ADARB2: variants seen among roughly 807,000 people sequenced by gnomAD.
The protein encoded by ADARB2 is inactive double-stranded RNA-specific editase B2.
In ADARB2, 25 loss-of-function variants were observed where a neutral mutation model predicts 62.2. That is an observed-to-expected ratio of 0.40 (90% CI 0.29 to 0.56). The LOEUF is 0.56. Ranked by LOEUF, ADARB2 falls within the 20% of genes least tolerant of loss-of-function variation. ADARB2 has a pLI of 0.43. For missense variants in ADARB2, 1,071 were observed against 1,077.4 expected (o/e 0.99, Z 0.08); for synonymous variants, 572 against 500.8 (o/e 1.14, Z -1.90).
intron 2 of ADARB2, among the ~76,000 whole-genome samples, chr10:1,377,389 G>A (rs558877837): frequency 7.0e-6 from 1 of 143,166 alleles, no homozygotes; most frequent in Admixed American, 7.0e-5. Context: ...ACATGTGCAT[G>A]TGCGCTCCTG....
intron 1 of ADARB2, among the ~76,000 whole-genome samples, chr10:1,723,113 C>T (rs148341551): frequency 9.3e-4 from 142 of 152,324 alleles, no homozygotes; most frequent in African/African-American, 3.1e-3. Flanking sequence ...GAAACGGGAG[C>T]GCATGCCCCT....
chr10:1,505,962 G>C (rs1030538217), intron 1 of ADARB2, among the ~76,000 whole-genome samples: 7 of 152,136 alleles, frequency 4.6e-5, no homozygotes, highest in African/African-American at 1.7e-4. Flanking sequence ...ATCAAAATCA[G>C]AGCACACTTT....
chr10:1,641,493 C>A (rs930689154), intron 1 of ADARB2, among the ~76,000 whole-genome samples: 2 of 152,188 alleles, frequency 1.3e-5, no homozygotes, highest in Non-Finnish European at 2.9e-5. Flanking sequence ...TTCTAGAACA[C>A]AGAAGCTACT....
At chr10:1,620,761 G>A (rs1275224996) in intron 1 of ADARB2, among the ~76,000 whole-genome samples, 2 of 152,226 alleles carry the variant, frequency 1.3e-5, no homozygotes, top group Non-Finnish European at 2.9e-5. Context: ...AAGGGTGTAT[G>A]TAAAGACCAA....
intron 1 of ADARB2, among the ~76,000 whole-genome samples, chr10:1,394,611 C>T (rs1425386918): frequency 2.6e-5 from 4 of 152,130 alleles, no homozygotes; most frequent in African/African-American, 9.7e-5. Context: ...CACGGAGGTT[C>T]GTGTGACCAG....
chr10:1,290,714 G>A (rs973167821), intron 3 of ADARB2: 1 of 152,198 alleles, frequency 6.6e-6, no homozygotes, highest in African/African-American at 2.4e-5. Flanking sequence ...TGTTGATTAT[G>A]TAAAGTAGTC....
At chr10:1,584,421 A>AATC (rs752811530) in intron 1 of ADARB2, among the ~76,000 whole-genome samples, 1 of 152,200 alleles carries the variant, frequency 6.6e-6, no homozygotes, top group Non-Finnish European at 1.5e-5. Context: ...GCATGGCCAA[A>AATC]ATCCAGAACA....
intron 1 of ADARB2, among the ~76,000 whole-genome samples, chr10:1,693,763 T>G (rs12573744): frequency 6.6e-6 from 1 of 152,156 alleles, no homozygotes; most frequent in Non-Finnish European, 1.5e-5. Flanking sequence ...AAAGGTTAAA[T>G]TAAAAGAAAA....
intron 4 of ADARB2, among the ~76,000 whole-genome samples, chr10:1,265,462 C>A (rs1831186248): frequency 6.6e-6 from 1 of 152,220 alleles, no homozygotes; most frequent in African/African-American, 2.4e-5. Flanking sequence ...CGAGAGGATT[C>A]GGGAGGGAAC....
At chr10:1,552,034 C>T (rs1037375904) in intron 1 of ADARB2, among the ~76,000 whole-genome samples, 1 of 152,090 alleles carries the variant, frequency 6.6e-6, no homozygotes, top group East Asian at 1.9e-4. Context: ...GCCAAGCCCT[C>T]CTCCCGCATG....
At chr10:1,644,265 T>G (rs1834009685) in intron 1 of ADARB2, among the ~76,000 whole-genome samples, 1 of 152,224 alleles carries the variant, frequency 6.6e-6, no homozygotes, top group African/African-American at 2.4e-5. Context: ...ACGCCACTAC[T>G]GATTTACTGC....
chr10:1,628,962 G>A (rs979172892), intron 1 of ADARB2, among the ~76,000 whole-genome samples: 2 of 152,146 alleles, frequency 1.3e-5, no homozygotes, highest in Non-Finnish European at 2.9e-5. Context: ...TAGCTCCTGC[G>A]AGGGCTGGAC....
intron 7 of ADARB2, among the ~76,000 whole-genome samples, chr10:1,207,287 A>G (rs931140977): frequency 1.3e-5 from 2 of 152,248 alleles, no homozygotes; most frequent in Non-Finnish European, 2.9e-5. Flanking sequence ...CAGAGGCTGC[A>G]GTGAGCCGGG....
chr10:1,522,719 T>A (rs1199770850), intron 1 of ADARB2, among the ~76,000 whole-genome samples: 4 of 152,202 alleles, frequency 2.6e-5, no homozygotes, highest in Non-Finnish European at 4.4e-5. Context: ...TATACGTTAG[T>A]TATTGAACTC....
chr10:1,500,323 T>G (rs1831751139), intron 1 of ADARB2, among the ~76,000 whole-genome samples: 1 of 152,236 alleles, frequency 6.6e-6, no homozygotes, highest in African/African-American at 2.4e-5. Context: ...TTAACCTAAG[T>G]GTTACATGAA....
Position 1,242,315 on chromosome 10 carries a change from G to A in ADARB2, c.1193-16C>T, listed in dbSNP as rs757578582. On this transcript the variant is annotated splice_polypyrimidine_tract_variant and intron_variant, in intron 4 of 9. Coordinates refer to ENST00000381312, the MANE Select transcript of ADARB2 (RefSeq NM_018702.4). Reference sequence around the variant, plus strand: ...GCATCCAGGCCTGGGGACACAGATAGCATCAGAGCAGCGTGGCCCACGGCC... The same window carrying A: ...GCATCCAGGCCTGGGGACACAGATAACATCAGAGCAGCGTGGCCCACGGCC... 64 of 1,536,498 alleles carry A rather than the reference G, an allele frequency of 4.2e-5. No individual in the cohort carries two copies. The highest frequency in any genetic ancestry group is 3.1e-4 in the Admixed American group (16 of 51,002).
chr10:1,651,796 G>C (rs527754200), intron 1 of ADARB2, among the ~76,000 whole-genome samples: 1 of 151,858 alleles, frequency 6.6e-6, no homozygotes, highest in African/African-American at 2.4e-5. Flanking sequence ...CTCTCTGCCC[G>C]TGAAGGTGAC....
intron 1 of ADARB2, among the ~76,000 whole-genome samples, chr10:1,708,800 T>A (rs551906164): frequency 7.2e-5 from 11 of 152,292 alleles, no homozygotes; most frequent in African/African-American, 2.2e-4. Flanking sequence ...CCATCACATA[T>A]GAAATCCTTT....
chr10:1,460,555 T>C (rs1258249114), intron 1 of ADARB2, among the ~76,000 whole-genome samples: 1 of 89,722 alleles, frequency 1.1e-5, no homozygotes, highest in Non-Finnish European at 2.3e-5. Context: ...TTTACCTGCG[T>C]AACGAACCTG....
Sources: gnomAD v4.1 joint callset for allele counts (sites outside exome capture counted in the v4.1 genomes callset) on GRCh38, gnomAD v4.1.1 for gene constraint, MANE v1.5 for transcripts, NCBI Gene and HGNC (gene_info 2026-07-23, HGNC 2026-07-21) for gene names.